PLB1: variants seen among roughly 807,000 people sequenced by gnomAD.
PLB1 encodes phospholipase B1, also known as phospholipase B1, membrane-associated.
Under a neutral mutation model 227.4 loss-of-function variants are expected in PLB1, and 242 were observed. The ratio of observed to expected loss-of-function variants is 1.06; its 90% CI spans 0.96 to 1.18. PLB1 has a LOEUF of 1.18. Ranked by LOEUF, PLB1 falls within the 50% of genes most tolerant of loss-of-function variation. The probability of loss-of-function intolerance (pLI) is 0.00; values close to 1 mark genes in which losing one functional copy is unlikely to be tolerated. For missense variants in PLB1, 1,858 were observed against 1,816.3 expected, an observed-to-expected ratio of 1.02 and a Z score of -0.42; for synonymous variants, 757 against 682.2, an observed-to-expected ratio of 1.11 and a Z score of -1.71.
At chr2:28,610,885 GC>G (rs55634673) in intron 43 of PLB1, among the ~76,000 whole-genome samples, 34,450 of 151,760 alleles carry the variant, frequency 0.23, 4,352 homozygotes, top group East Asian at 0.34. Flanking sequence ...CATTCAGTCG[GC>G]CCCCCTTTCT....
chr2:28,532,317 C>CATGGATGGATGGATGGATGGATGGATGG (rs10656827), intron 9 of PLB1, 123 bp downstream of exon 9: 2 of 595,680 alleles, frequency 3.4e-6, no homozygotes, highest in African/African-American at 3.9e-5. Flanking sequence ...TATTTTAGAA[C>CATGGATGGATGGATGGATGGATGGATGG]ATGGATGGAT....
At chr2:28,619,604 C>T (rs367734463) in intron 46 of PLB1, among the ~76,000 whole-genome samples, 129 of 145,516 alleles carry the variant, frequency 8.9e-4, no homozygotes, top group African/African-American at 3.0e-3. Flanking sequence ...TCTTAGAGAA[C>T]GAATTTGGAA....
At chr2:28,581,390 A>T (rs1381251170) in intron 23 of PLB1, among the ~76,000 whole-genome samples, 1 of 135,488 alleles carries the variant, frequency 7.4e-6, no homozygotes, top group South Asian at 2.5e-4. Context: ...TCTTAGAGTC[A>T]TCTGCTCGGA....
chr2:28,522,906 A>G (rs1277605039), intron 4 of PLB1, among the ~76,000 whole-genome samples: 1 of 152,204 alleles, frequency 6.6e-6, no homozygotes, highest in African/African-American at 2.4e-5. Context: ...GTGTATTTTA[A>G]AAGCTAGACC....
At chr2:28,641,889 G>C (rs919765519) in intron 57 of PLB1, among the ~76,000 whole-genome samples, 14 of 152,042 alleles carry the variant, frequency 9.2e-5, no homozygotes, top group African/African-American at 3.1e-4. Context: ...ATCCTTGCCT[G>C]ATCCCTACTG....
At chr2:28,544,140 CAG>C (rs1195245372) in intron 14 of PLB1, among the ~76,000 whole-genome samples, 2 of 152,212 alleles carry the variant, frequency 1.3e-5, no homozygotes, top group South Asian at 2.1e-4. Flanking sequence ...CAGTGTGAAA[CAG>C]AGTGTAGGGA....
chr2:28,570,053 C>CA (rs1186219365), intron 20 of PLB1, among the ~76,000 whole-genome samples: 1 of 150,974 alleles, frequency 6.6e-6, no homozygotes, highest in Non-Finnish European at 1.5e-5. Context: ...AACTTCCCAC[C>CA]AAAAAAAGCC....
rs764796646 is a variant in PLB1, at chr2:28,593,732, C to G, written c.2299C>G (p.Gln767Glu). 1.2e-5 allele frequency: 20 copies of G among 1,613,898 alleles called. No individual in the cohort carries two copies. The East Asian group carries it at 4.0e-4, about 32-fold the overall frequency. ...AGACGACCTCCCCGATGTCACCACA[C>G]AGTATCGGGGACTGTCATACAGGTA... is the stretch of plus-strand genomic sequence containing the variant. ...KPDDLPDVTT[Q>E]YRGLSYSAGG... The change falls in exon 33 of 58, where the codon CAG (glutamine) becomes GAG (glutamate). Residue 767 changes from glutamine to glutamate, a missense_variant. Transcript: ENST00000327757.
chr2:28,514,788 GT>G (rs1668653704), intron 1 of PLB1, among the ~76,000 whole-genome samples: 2 of 152,094 alleles, frequency 1.3e-5, no homozygotes, highest in Admixed American at 1.3e-4. Flanking sequence ...CAGACTGCCT[GT>G]TTTCAAAGCC....
At chr2:28,621,657 G>A (rs1230358877) in intron 49 of PLB1, among the ~76,000 whole-genome samples, 2 of 152,170 alleles carry the variant, frequency 1.3e-5, no homozygotes, top group Non-Finnish European at 2.9e-5. Flanking sequence ...CGATCACCAG[G>A]GAAACGACAC....
intron 35 of PLB1, 121 bp from the exon 36 acceptor site, chr2:28,600,688 G>A (rs556823527): frequency 2.4e-5 from 21 of 864,296 alleles, no homozygotes; most frequent in South Asian, 1.4e-4. Context: ...TCTGAGCCTC[G>A]GGATCTCTGC....
At chr2:28,576,542 C>T (rs889319808) in intron 21 of PLB1, among the ~76,000 whole-genome samples, 1 of 152,150 alleles carries the variant, frequency 6.6e-6, no homozygotes, top group Non-Finnish European at 1.5e-5. Flanking sequence ...TCAGTCTGGC[C>T]AACATGGTGA....
chr2:28,566,819 G>A lies in PLB1; in HGVS notation c.1304G>A (p.Gly435Asp), dbSNP rs1025148820. The change falls in exon 20 of 58, where the codon GGC becomes GAC. Residue 435 changes from glycine (G) to aspartate (D), a missense_variant. By Grantham distance (94) the Gly-to-Asp change is moderately conservative. Transcript: ENST00000327757. ...SWSVGGDENI[G>D]TVTTLANILR... Reference sequence around the variant, plus strand: ...AGCGTCGGCGGAGATGAGAACATCGGCACCGTTACCACCCTGGCGAGTGAG... The same window carrying A: ...AGCGTCGGCGGAGATGAGAACATCGACACCGTTACCACCCTGGCGAGTGAG... 1 of 1,614,004 alleles carries A rather than the reference G, an allele frequency of 6.2e-7. No homozygotes were observed. Among genetic ancestry groups the A allele is most frequent in the East Asian group, 2.2e-5 (1 of 44,858 alleles).
At chr2:28,567,857 C>T (rs546709823) in intron 20 of PLB1, among the ~76,000 whole-genome samples, 1 of 152,274 alleles carries the variant, frequency 6.6e-6, no homozygotes, top group South Asian at 2.1e-4. Context: ...TTAAAGTATG[C>T]AAGCGATACA....
At position 28,555,091 on chromosome 2, in the gene PLB1, C is replaced by A. The variant is rs889856801; in HGVS notation, c.1147+2100C>A. ...AAAGTGTCATTCAGAAAAATGGTCACAGTTAACTGGCCAATAATGAAAAAT... is the reference window on the plus strand; with the variant it reads ...AAAGTGTCATTCAGAAAAATGGTCAAAGTTAACTGGCCAATAATGAAAAAT... On this transcript the variant is annotated intron_variant, in intron 17 of 57. Coordinates refer to ENST00000327757, the MANE Select transcript of PLB1 (RefSeq NM_153021.5). Among the ~76,000 whole-genome samples, 6 of 150,608 alleles carry A rather than the reference C, an allele frequency of 4.0e-5. No homozygotes were observed. In the South Asian group the frequency reaches 1.3e-3, roughly 31 times the overall value.
At position 28,631,138 on chromosome 2, in the gene PLB1, G is replaced by A. The variant is rs79443531; in HGVS notation, c.3897+474G>A. Among the ~76,000 whole-genome samples, 466 of 147,452 alleles carry A rather than the reference G, an allele frequency of 3.2e-3. 3 individuals are homozygous for A. Among genetic ancestry groups the A allele is most frequent in the African/African-American group, 9.7e-3 (377 of 38,988 alleles). On this transcript the variant is annotated intron_variant, in intron 54 of 57. Transcript: ENST00000327757. ...CATTGTACTCTGCCTAGACAACAGC[G>A]TGAGACCCTATCTCAAAAAAAAAAA...
chr2:28,522,025 C>T (rs1374293881), intron 4 of PLB1, among the ~76,000 whole-genome samples: 1 of 152,084 alleles, frequency 6.6e-6, no homozygotes, highest in Non-Finnish European at 1.5e-5. Context: ...CCAGTCCACT[C>T]AATGTCCCCA....
intron 1 of PLB1, among the ~76,000 whole-genome samples, chr2:28,496,775 C>T (rs1205279564): frequency 6.6e-6 from 1 of 152,214 alleles, no homozygotes. Context: ...CAATCCCTCT[C>T]TGCCCCTCTT....
At chr2:28,630,454 CG>C in intron 53 of PLB1, 131 bp from the exon 54 acceptor site, 1 of 650,780 alleles carries the variant, frequency 1.5e-6, no homozygotes, top group Non-Finnish European at 2.6e-6. Context: ...TGTCACCCCC[CG>C]CCCTAGGTAA....
Sources: allele counts gnomAD v4.1 joint callset (sites outside exome capture counted in the v4.1 genomes callset), GRCh38; gene constraint gnomAD v4.1.1; transcripts MANE v1.5; gene names NCBI Gene and HGNC (gene_info 2026-07-23, HGNC 2026-07-21).